SORCS3: variants seen among roughly 807,000 people sequenced by gnomAD.
The protein encoded by SORCS3 is VPS10 domain-containing receptor SorCS3.
A neutral mutation model predicts 146.3 loss-of-function variants in SORCS3; 57 were observed. That is an observed-to-expected ratio of 0.39 (90% CI 0.31 to 0.49). SORCS3 has a LOEUF of 0.49. SORCS3 is among the 20% of genes least tolerant of loss of function. The probability of loss-of-function intolerance (pLI) is 0.92; values close to 1 mark genes in which losing one functional copy is unlikely to be tolerated. For synonymous variants in SORCS3, 653 were observed against 618.5 expected (o/e 1.06, Z -0.83); for missense variants, 1,341 against 1,575.5 (o/e 0.85, Z 2.52).
At chr10:104,792,216 G>T (rs1012571326) in intron 1 of SORCS3, among the ~76,000 whole-genome samples, 1 of 152,116 alleles carries the variant, frequency 6.6e-6, no homozygotes, top group African/African-American at 2.4e-5. Context: ...CTCAGGGCCT[G>T]GGAAAGACAG....
chr10:104,822,861 C>T (rs1368307883), intron 1 of SORCS3, among the ~76,000 whole-genome samples: 3 of 152,168 alleles, frequency 2.0e-5, no homozygotes, highest in African/African-American at 7.2e-5. Flanking sequence ...AAAATCTACA[C>T]CTACCCCAAC....
chr10:104,959,990 T>C (rs2054783720), intron 3 of SORCS3, among the ~76,000 whole-genome samples: 1 of 152,176 alleles, frequency 6.6e-6, no homozygotes, highest in African/African-American at 2.4e-5. Flanking sequence ...TCTTATGTGG[T>C]CCATTGTCTC....
chr10:105,053,844 C>T (rs1033465971), intron 5 of SORCS3, among the ~76,000 whole-genome samples: 1 of 151,866 alleles, frequency 6.6e-6, no homozygotes, highest in Non-Finnish European at 1.5e-5. Flanking sequence ...GTTTTAGAAA[C>T]ATTTAAGTAA....
At chr10:105,042,590 A>C (rs2055344895) in intron 4 of SORCS3, among the ~76,000 whole-genome samples, 1 of 152,132 alleles carries the variant, frequency 6.6e-6, no homozygotes, top group African/African-American at 2.4e-5. Flanking sequence ...TCTTGCAAAA[A>C]CATAGGAGTG....
chr10:104,788,048 C>T (rs1430116122), intron 1 of SORCS3, among the ~76,000 whole-genome samples: 1 of 152,152 alleles, frequency 6.6e-6, no homozygotes, highest in African/African-American at 2.4e-5. Context: ...TACTTGGAGC[C>T]ACTTCTTCCA....
intron 20 of SORCS3, among the ~76,000 whole-genome samples, chr10:105,233,616 G>C (rs941828786): frequency 6.6e-6 from 1 of 152,014 alleles, no homozygotes; most frequent in East Asian, 1.9e-4. Flanking sequence ...ATGTCCATGT[G>C]TTCTCATTGT....
intron 1 of SORCS3, among the ~76,000 whole-genome samples, chr10:104,802,656 G>A (rs541848816): frequency 6.6e-6 from 1 of 152,118 alleles, no homozygotes; most frequent in African/African-American, 2.4e-5. Context: ...TACAGAATCT[G>A]GTTCCCTGAA....
chr10:104,667,379 T>C (rs1389299410), intron 1 of SORCS3, among the ~76,000 whole-genome samples: 1 of 152,180 alleles, frequency 6.6e-6, no homozygotes, highest in Non-Finnish European at 1.5e-5. Context: ...CCCTCCTCTC[T>C]TGATCCTGTT....
intron 2 of SORCS3, among the ~76,000 whole-genome samples, chr10:104,864,989 A>G (rs994426817): frequency 6.6e-6 from 1 of 152,142 alleles, no homozygotes; most frequent in African/African-American, 2.4e-5. Flanking sequence ...TTACCTGGCC[A>G]TCCTATCTAA....
At chr10:104,982,263 A>T (rs1306143306) in intron 4 of SORCS3, among the ~76,000 whole-genome samples, 1 of 152,162 alleles carries the variant, frequency 6.6e-6, no homozygotes, top group East Asian at 1.9e-4. Flanking sequence ...GTGTATCTGG[A>T]TTTCAGAGGG....
At chr10:104,955,005 A>G (rs1346871012) in intron 3 of SORCS3, among the ~76,000 whole-genome samples, 1 of 152,242 alleles carries the variant, frequency 6.6e-6, no homozygotes, top group African/African-American at 2.4e-5. Flanking sequence ...AAAATTCACT[A>G]TTAACTAAAT....
intron 3 of SORCS3, among the ~76,000 whole-genome samples, chr10:104,931,672 C>T (rs2019210024): frequency 6.6e-6 from 1 of 152,172 alleles, no homozygotes. Context: ...CTGGAACCAA[C>T]TTAGGTGATA....
intron 1 of SORCS3, among the ~76,000 whole-genome samples, chr10:104,797,046 T>A (rs2496029): frequency 2.0e-5 from 3 of 152,054 alleles, no homozygotes; most frequent in Non-Finnish European, 2.9e-5. Flanking sequence ...AGCCTAGCAC[T>A]TACAACAAGG....
Position 104,659,869 on chromosome 10 carries a change from G to A in SORCS3, c.627+17915G>A, listed in dbSNP as rs537098196. ...TTGCCAGCCATTCTTTCACTCTCCT[G>A]TGAGGGTGTGTATTTTTTAAGAGGA... On this transcript the variant is annotated intron_variant, in intron 1 of 26. Transcript: ENST00000369701. Among the ~76,000 whole-genome samples, 8 of 152,286 alleles carry A rather than the reference G, an allele frequency of 5.3e-5. No homozygotes were observed. In the South Asian group the frequency reaches 1.7e-3, roughly 32 times the overall value.
intron 1 of SORCS3, among the ~76,000 whole-genome samples, chr10:104,768,074 G>A (rs2017202608): frequency 1.3e-5 from 2 of 152,272 alleles, no homozygotes; most frequent in South Asian, 2.1e-4. Context: ...TCCTTGACCT[G>A]GGTCAGAACT....
intron 1 of SORCS3, among the ~76,000 whole-genome samples, chr10:104,724,149 G>C (rs537172986): frequency 2.6e-5 from 4 of 152,206 alleles, no homozygotes; most frequent in African/African-American, 9.6e-5. Context: ...CTTCCTTCAG[G>C]AGCTCTTTTA....
intron 1 of SORCS3, among the ~76,000 whole-genome samples, chr10:104,682,678 T>C (rs938805640): frequency 2.0e-5 from 3 of 152,200 alleles, no homozygotes; most frequent in Admixed American, 6.5e-5. Flanking sequence ...GCTGGTCAAA[T>C]TGCAGGAGAT....
intron 3 of SORCS3, among the ~76,000 whole-genome samples, chr10:104,926,113 T>C (rs2019142103): frequency 6.6e-6 from 1 of 152,206 alleles, no homozygotes; most frequent in Non-Finnish European, 1.5e-5. Flanking sequence ...AGCTGTGAGC[T>C]GCCTGCTTTC....
intron 1 of SORCS3, among the ~76,000 whole-genome samples, chr10:104,720,124 C>G (rs1054924768): frequency 3.3e-5 from 5 of 152,104 alleles, no homozygotes; most frequent in Admixed American, 2.6e-4. Flanking sequence ...TATCCCTCCC[C>G]CTTCCCCCGA....
Sources: allele counts gnomAD v4.1 joint callset (sites outside exome capture counted in the v4.1 genomes callset), GRCh38; gene constraint gnomAD v4.1.1; transcripts MANE v1.5; gene names NCBI Gene and HGNC (gene_info 2026-07-23, HGNC 2026-07-21).